The following STX8 variants were observed in gnomAD, a reference collection of about 807,000 sequenced individuals.
STX8 encodes the protein syntaxin 8, also known as syntaxin-8.
STX8 carries 23 observed loss-of-function variants against 37.5 expected under a neutral mutation model. The ratio of observed to expected loss-of-function variants is 0.61; its 90% CI spans 0.44 to 0.87. STX8 has a LOEUF of 0.87. Ranked by LOEUF, STX8 falls within the 40% of genes least tolerant of loss-of-function variation. STX8 has a pLI of 0.00. For missense variants in STX8, 313 were observed against 284.7 expected (o/e 1.10, Z -0.71); for synonymous variants, 115 against 99.1 (o/e 1.16, Z -0.95).
intron 6 of STX8, among the ~76,000 whole-genome samples, chr17:9,471,638 C>A (rs896524923): frequency 6.6e-6 from 1 of 152,062 alleles, no homozygotes; most frequent in Non-Finnish European, 1.5e-5. Context: ...TGGGTACATG[C>A]CAGACAGGGT....
rs951633083 is a variant in STX8 at position 9,277,695 on chromosome 17, A to G, written c.644-27050T>C. Reference sequence around the variant, plus strand: ...ACAGTTACTTTAATGGGGTGGTCAGATATGGCTTTCTGATGAGGTGATCTG... The same window carrying G: ...ACAGTTACTTTAATGGGGTGGTCAGGTATGGCTTTCTGATGAGGTGATCTG... On this transcript the variant is annotated intron_variant, in intron 7 of 7. Transcript: ENST00000306357. Among the ~76,000 whole-genome samples the G allele has an allele frequency of 6.6e-5, 10 of 152,176 alleles. No individual in the cohort carries two copies. The South Asian group carries it at 2.1e-3, about 31-fold the overall frequency.
chr17:9,263,831 C>T (rs1449870527), intron 7 of STX8, among the ~76,000 whole-genome samples: 1 of 152,194 alleles, frequency 6.6e-6, no homozygotes, highest in Non-Finnish European at 1.5e-5. Context: ...TCTCCCAAAC[C>T]ACATACTCTT....
rs201550065 is a variant in STX8 at position 9,274,744 on chromosome 17, C to CTTTT, written c.644-24103_644-24100dup. 2.3e-3 allele frequency among the ~76,000 whole-genome samples: 207 copies of CTTTT among 88,888 alleles called. 44 individuals carry two copies. Among genetic ancestry groups the CTTTT allele is most frequent in the Middle Eastern group, 0.017 (2 of 116 alleles). 58.3% of individuals were successfully genotyped at this position (88,888 alleles called of 152,430 possible). On this transcript the variant is annotated intron_variant, in intron 7 of 7. Coordinates refer to ENST00000306357, the MANE Select transcript of STX8 (RefSeq NM_004853.3). ...AAAGTCTTCAAAAATACAACAATTTCTTTTTTCTTTTTTTTTTTTTTTTTT... is the reference window on the plus strand; with the variant it reads ...AAAGTCTTCAAAAATACAACAATTTCTTTTTTTTTTCTTTTTTTTTTTTTTTTTT...
In STX8 at chr17:9,505,995, C is replaced by T. The variant is rs79471762; in HGVS notation, c.324-833G>A. 3.3e-3 allele frequency among the ~76,000 whole-genome samples: 494 copies of T among 150,354 alleles called. 6 individuals are homozygous for T. The highest frequency in any genetic ancestry group is 0.012 in the African/African-American group (472 of 40,800). ...GGTTGCTCAGAGACAGAAACACATG[C>T]AGGGTTTCAATACCAATTTTGTGAC... On this transcript the variant is annotated intron_variant, in intron 4 of 7. Coordinates refer to ENST00000306357, the MANE Select transcript of STX8 (RefSeq NM_004853.3).
At chr17:9,291,780 A>G (rs550462397) in intron 7 of STX8, among the ~76,000 whole-genome samples, 1 of 152,314 alleles carries the variant, frequency 6.6e-6, no homozygotes, top group African/African-American at 2.4e-5. Flanking sequence ...AAACTGCCCT[A>G]CAAGATTCCT....
chr17:9,449,538 G>T (rs534207814), intron 6 of STX8, among the ~76,000 whole-genome samples: 91 of 152,210 alleles, frequency 6.0e-4, no homozygotes, highest in African/African-American at 2.1e-3. Context: ...TCCAGCCTGG[G>T]CGACAGAGCG....
intron 7 of STX8, among the ~76,000 whole-genome samples, chr17:9,268,108 C>T (rs1907296500): frequency 6.6e-6 from 1 of 152,024 alleles, no homozygotes; most frequent in Non-Finnish European, 1.5e-5. Context: ...ATATGCTCTC[C>T]TCTCTAGGCC....
chr17:9,494,079 G>A (rs77494235), intron 5 of STX8, among the ~76,000 whole-genome samples: 5 of 150,776 alleles, frequency 3.3e-5, no homozygotes, highest in Non-Finnish European at 4.4e-5. Context: ...GCAGTGGCGC[G>A]ATCTCGGCTC....
chr17:9,310,969 T>A (rs539936803), intron 7 of STX8, among the ~76,000 whole-genome samples: 1 of 152,214 alleles, frequency 6.6e-6, no homozygotes, highest in African/African-American at 2.4e-5. Flanking sequence ...CCGGGTGCAA[T>A]GGCTCGTGCC....
chr17:9,505,355 C>T (rs1330158354), intron 4 of STX8, among the ~76,000 whole-genome samples, 193 bp from the exon 5 acceptor site: 2 of 152,146 alleles, frequency 1.3e-5, no homozygotes, highest in Admixed American at 6.6e-5. Flanking sequence ...AAGGCACAAG[C>T]TTGGTCCTCA....
chr17:9,415,656 C>G (rs1913162774), intron 6 of STX8, among the ~76,000 whole-genome samples: 1 of 152,100 alleles, frequency 6.6e-6, no homozygotes, highest in African/African-American at 2.4e-5. Context: ...GTAGTCCCAG[C>G]TACTCAGGAG....
At chr17:9,329,008 C>T (rs766113125) in intron 7 of STX8, among the ~76,000 whole-genome samples, 1 of 137,516 alleles carries the variant, frequency 7.3e-6, no homozygotes, top group African/African-American at 2.8e-5. Context: ...TGAGATCGCG[C>T]CACTGCACTT....
chr17:9,379,860 C>T (rs186626832), intron 6 of STX8, among the ~76,000 whole-genome samples: 242 of 151,830 alleles, frequency 1.6e-3, no homozygotes, highest in African/African-American at 5.4e-3. Flanking sequence ...CCTACCTACT[C>T]GGGAGGCTGA....
chr17:9,460,046 T>C (rs1237370981), intron 6 of STX8, among the ~76,000 whole-genome samples: 1 of 152,132 alleles, frequency 6.6e-6, no homozygotes, highest in African/African-American at 2.4e-5. Context: ...AAGGCCATGT[T>C]TGGGGTTGAG....
chr17:9,392,693 A>G (rs1280558845), intron 6 of STX8, among the ~76,000 whole-genome samples: 1 of 152,234 alleles, frequency 6.6e-6, no homozygotes, highest in African/African-American at 2.4e-5. Flanking sequence ...GAAACAAAAA[A>G]TATAGAGAAG....
chr17:9,433,193 T>A (rs964393746), intron 6 of STX8, among the ~76,000 whole-genome samples: 4 of 152,210 alleles, frequency 2.6e-5, no homozygotes, highest in Non-Finnish European at 5.9e-5. Flanking sequence ...AGCGTTTTGA[T>A]GTGGAAGACA....
intron 6 of STX8, among the ~76,000 whole-genome samples, chr17:9,444,286 G>T (rs1428887694): frequency 6.6e-6 from 1 of 152,168 alleles, no homozygotes; most frequent in Non-Finnish European, 1.5e-5. Context: ...ACCCCTCCCT[G>T]TCTGTTCTTC....
chr17:9,463,701 A>G (rs1229074437), intron 6 of STX8, among the ~76,000 whole-genome samples: 1 of 152,160 alleles, frequency 6.6e-6, no homozygotes, highest in African/African-American at 2.4e-5. Context: ...TGAGGTTGGG[A>G]GTTTGAGACC....
At chr17:9,314,813 T>A (rs1909324517) in intron 7 of STX8, among the ~76,000 whole-genome samples, 1 of 150,426 alleles carries the variant, frequency 6.6e-6, no homozygotes. Flanking sequence ...CTTAAAAAAC[T>A]GAGTTCCTGG....
Sources: allele counts gnomAD v4.1 joint callset (sites outside exome capture counted in the v4.1 genomes callset), GRCh38; gene constraint gnomAD v4.1.1; transcripts MANE v1.5; gene names NCBI Gene and HGNC (gene_info 2026-07-23, HGNC 2026-07-21).